Variants in GLRA2 observed in about 807,000 individuals in gnomAD.
GLRA2 encodes glycine receptor subunit alpha-2.
GLRA2 carries 11 observed loss-of-function variants against 31.6 expected under a neutral mutation model. The observed-to-expected ratio is 0.35, with a 90% CI of 0.22 to 0.58. GLRA2 has a LOEUF of 0.58. Among genes scored for constraint, GLRA2 ranks in the 20% least tolerant of loss-of-function variants. The pLI is 0.84. For missense variants in GLRA2, 212 were observed against 351.8 expected (o/e 0.60, Z 3.18); for synonymous variants, 132 against 134.0 (o/e 0.99, Z 0.10).
Position 14,529,845 on chromosome X carries a change from T to C in GLRA2, c.-213T>C. The C allele has an allele frequency of 4.6e-6, 2 of 430,184 alleles. No individual in the cohort carries two copies. The highest frequency in any genetic ancestry group is 8.1e-6 in the Non-Finnish European group (2 of 247,279). 35.5% of individuals were successfully genotyped at this position (430,184 alleles called of 1,213,427 possible). Reference sequence around the variant, plus strand: ...GGCTTTGTCTTTCTGGGTTAACTGATGGTCCCAAGCCTCGGTTTGACCTGA... The same window carrying C: ...GGCTTTGTCTTTCTGGGTTAACTGACGGTCCCAAGCCTCGGTTTGACCTGA... On this transcript the variant is annotated 5_prime_UTR_variant, in exon 1 of 9. An upstream start codon of the reference 5' UTR is lost. Coordinates refer to ENST00000218075, the MANE Select transcript of GLRA2 (RefSeq NM_002063.4).
At chrX:14,566,256 A>G (rs1005887840) in intron 2 of GLRA2, among the ~76,000 whole-genome samples, 28 of 112,325 alleles carry the variant, frequency 2.5e-4, no homozygotes, top group Admixed American at 1.9e-4. Context: ...ATGAAATTAA[A>G]AATCTCAACA....
intron 7 of GLRA2, among the ~76,000 whole-genome samples, chrX:14,651,946 A>G (rs2090894540): frequency 9.0e-6 from 1 of 111,077 alleles, no homozygotes; most frequent in Non-Finnish European, 1.9e-5. Flanking sequence ...GGCTCTCATA[A>G]TGGAATTAGT....
chrX:14,516,990 G>A, the GLRA2 span, among the ~76,000 whole-genome samples: 1 of 111,852 alleles, frequency 8.9e-6, no homozygotes, highest in Non-Finnish European at 1.9e-5. Context: ...CAATCTACTG[G>A]ATCATGAAAG....
intron 7 of GLRA2, among the ~76,000 whole-genome samples, chrX:14,617,397 G>A (rs1301967009): frequency 2.7e-5 from 3 of 111,694 alleles, no homozygotes; most frequent in Non-Finnish European, 3.8e-5. Flanking sequence ...TTATAATTCA[G>A]TGCAGTAAAG....
intron 2 of GLRA2, among the ~76,000 whole-genome samples, chrX:14,546,338 C>T (rs950648604): frequency 1.8e-5 from 2 of 111,548 alleles, no homozygotes; most frequent in African/African-American, 6.5e-5. Flanking sequence ...TAAGTGCATC[C>T]TTTAATCAAA....
At chrX:14,672,775 C>G (rs1390892748) in intron 7 of GLRA2, among the ~76,000 whole-genome samples, 1 of 112,045 alleles carries the variant, frequency 8.9e-6, no homozygotes, top group Non-Finnish European at 1.9e-5. Flanking sequence ...CTCCTCCCCA[C>G]ATGGAACCTG....
chrX:14,568,692 C>CAAAAAA (rs1390018705), intron 2 of GLRA2, among the ~76,000 whole-genome samples: 1 of 23,537 alleles, frequency 4.2e-5, no homozygotes, highest in Non-Finnish European at 7.6e-5. Context: ...GACTCTGTCT[C>CAAAAAA]AAAAAAAAAA....
chrX:14,730,066 G>A (rs1351147979), intron 8 of GLRA2, 141 bp from the exon 9 acceptor site: 1 of 500,365 alleles, frequency 2.0e-6, no homozygotes, highest in African/African-American at 2.4e-5. Flanking sequence ...AGTTGAACTT[G>A]AAAGAGAACT....
chrX:14,668,958 T>G (rs2091062557), intron 7 of GLRA2, among the ~76,000 whole-genome samples: 1 of 111,818 alleles, frequency 8.9e-6, no homozygotes, highest in African/African-American at 3.3e-5. Flanking sequence ...CAGTCCAAAG[T>G]CTCATCTGAG....
intron 7 of GLRA2, among the ~76,000 whole-genome samples, chrX:14,685,645 G>A (rs1316580322): frequency 4.5e-5 from 5 of 111,779 alleles, no homozygotes; most frequent in Admixed American, 3.8e-4. Context: ...TTGTATTTCT[G>A]TGGGATCGGT....
intron 2 of GLRA2, among the ~76,000 whole-genome samples, chrX:14,535,899 T>A (rs2089317263): frequency 8.9e-6 from 1 of 112,679 alleles, no homozygotes; most frequent in African/African-American, 3.2e-5. Context: ...TTTCTTTCTT[T>A]TTGAAACAAA....
intron 7 of GLRA2, among the ~76,000 whole-genome samples, chrX:14,628,264 C>A (rs1303704395): frequency 2.7e-5 from 3 of 111,508 alleles, no homozygotes; most frequent in Non-Finnish European, 5.7e-5. Context: ...CACCTTTTCA[C>A]ATTTCTGAGT....
rs745347340 is a variant in GLRA2 at position 14,633,960 on chromosome X, A to T, written c.930+24755A>T. ...ATGATATTTTATTTTTATTTATTTA[A>T]TTTTTTGAGATGGAGTCTCACTCTG... On this transcript the variant is annotated intron_variant, in intron 7 of 8. Coordinates refer to ENST00000218075, the MANE Select transcript of GLRA2 (RefSeq NM_002063.4). 5.4e-5 allele frequency among the ~76,000 whole-genome samples: 6 copies of T among 110,673 alleles called. No individual in the cohort carries two copies. The South Asian group carries it at 2.3e-3, about 43-fold the overall frequency.
intron 4 of GLRA2, among the ~76,000 whole-genome samples, chrX:14,593,507 G>T (rs2090166849): frequency 8.9e-6 from 1 of 112,277 alleles, no homozygotes; most frequent in Non-Finnish European, 1.9e-5. Flanking sequence ...AACTTGAGCA[G>T]TCAGATGAAG....
At chrX:14,493,956 TAAATA>T in the GLRA2 span, among the ~76,000 whole-genome samples, 9 of 109,740 alleles carry the variant, frequency 8.2e-5, no homozygotes, top group South Asian at 2.3e-3. Flanking sequence ...ATAGGATGTA[TAAATA>T]AAATATAGTA....
At chrX:14,465,847 C>T in the GLRA2 span, among the ~76,000 whole-genome samples, 1 of 111,544 alleles carries the variant, frequency 9.0e-6, no homozygotes, top group Non-Finnish European at 1.9e-5. Context: ...TTTGGAGACC[C>T]CAGCTAAAGT....
At chrX:14,720,332 T>C (rs909141957) in intron 8 of GLRA2, among the ~76,000 whole-genome samples, 14 of 111,674 alleles carry the variant, frequency 1.3e-4, no homozygotes, top group African/African-American at 4.2e-4. Context: ...TTAAAATATA[T>C]TTAAAAATTT....
intron 7 of GLRA2, among the ~76,000 whole-genome samples, chrX:14,611,965 T>C (rs994378900): frequency 8.9e-6 from 1 of 111,906 alleles, no homozygotes; most frequent in Non-Finnish European, 1.9e-5. Flanking sequence ...GCAGAATCCA[T>C]GGGTGAAAGT....
At chrX:14,487,009 C>T in the GLRA2 span, among the ~76,000 whole-genome samples, 541 of 110,321 alleles carry the variant, frequency 4.9e-3, no homozygotes, top group Non-Finnish European at 8.2e-3. Context: ...TGAAGAACTT[C>T]AGAGGTTTGG....
Sources: allele counts gnomAD v4.1 joint callset (sites outside exome capture counted in the v4.1 genomes callset), GRCh38; gene constraint gnomAD v4.1.1; transcripts MANE v1.5; gene names NCBI Gene and HGNC (gene_info 2026-07-23, HGNC 2026-07-21).